Variants in SGCE observed in about 807,000 individuals in gnomAD.
The protein encoded by SGCE is epsilon-sarcoglycan.
In SGCE, 26 loss-of-function variants were observed where a neutral mutation model predicts 57.8. The ratio of observed to expected loss-of-function variants is 0.45; its 90% CI spans 0.33 to 0.62. The LOEUF (loss-of-function observed/expected upper bound fraction) is 0.62. Among genes scored for constraint, SGCE ranks in the 20% least tolerant of loss-of-function variants. SGCE has a pLI of 0.02. For synonymous variants in SGCE, 183 were observed against 189.5 expected, an observed-to-expected ratio of 0.97 and a Z score of 0.28; for missense variants, 468 against 548.6, an observed-to-expected ratio of 0.85 and a Z score of 1.47.
chr7:94,650,568 C>T (rs948177361), intron 1 of SGCE, among the ~76,000 whole-genome samples: 2 of 151,956 alleles, frequency 1.3e-5, no homozygotes, highest in Admixed American at 1.3e-4. Context: ...AATGAACTTG[C>T]AACACATAGG....
rs566445030 is a variant in SGCE, at chr7:94,598,451, A to G, written c.1253+324T>C. The G allele has an allele frequency of 1.0e-4, 28 of 278,436 alleles. No homozygotes were observed. The South Asian group carries it at 1.2e-3, about 12-fold the overall frequency. 17.2% of individuals were successfully genotyped at this position (278,436 alleles called of 1,614,324 possible). A position where few individuals can be genotyped will look rare whatever the true frequency, so the allele number is the denominator to read the frequency against. Reference sequence around the variant, plus strand: ...TATCTCTAAAAATAATCAATTTGAAATGCTTAGGATATGGTTCTTTTTTTT... The same window carrying G: ...TATCTCTAAAAATAATCAATTTGAAGTGCTTAGGATATGGTTCTTTTTTTT... On this transcript the variant is annotated intron_variant, in intron 9 of 10. Transcript: ENST00000648936.
At chr7:94,648,467 T>C (rs535462978) in intron 1 of SGCE, among the ~76,000 whole-genome samples, 8 of 151,014 alleles carry the variant, frequency 5.3e-5, no homozygotes, top group African/African-American at 1.9e-4. Flanking sequence ...AACACTATAA[T>C]AAAAATCCTT....
chr7:94,588,131 A>G (rs1797154676), intron 10 of SGCE: 20 of 1,149,700 alleles, frequency 1.7e-5, no homozygotes, highest in Non-Finnish European at 2.1e-5. Context: ...TTTTAGGGAC[A>G]CTTGAAAGAA....
rs768766085 is a variant in SGCE, at chr7:94,628,358, G to A, written c.234C>T (p.Gly78=). ...KGEFPPYPKP[G]EISNDPITFN... ...ATGTTATGGGATCATTACTAATCTC[G>A]CCTAGATAAGAAACAGAGAATTAAG... The change falls in exon 3 of 11, where the codon GGC becomes GGT. Residue 78 remains glycine (G), a splice_region_variant and synonymous_variant. Transcript: ENST00000648936. 55 of 1,604,808 alleles carry A rather than the reference G, an allele frequency of 3.4e-5. No individual in the cohort carries two copies. The highest frequency in any genetic ancestry group is 9.9e-5 in the South Asian group (9 of 90,792).
At chr7:94,636,027 T>G (rs139934857) in intron 1 of SGCE, among the ~76,000 whole-genome samples, 1 of 152,312 alleles carries the variant, frequency 6.6e-6, no homozygotes, top group East Asian at 1.9e-4. Context: ...CTAGGAGATA[T>G]GGCCACTTTT....
At chr7:94,646,189 C>T (rs908713862) in intron 1 of SGCE, among the ~76,000 whole-genome samples, 4 of 152,080 alleles carry the variant, frequency 2.6e-5, no homozygotes, top group African/African-American at 4.8e-5. Flanking sequence ...TGAATTACAT[C>T]GATATTTATA....
intron 10 of SGCE, chr7:94,587,550 G>A (rs1476140629): frequency 9.1e-6 from 12 of 1,318,394 alleles, no homozygotes; most frequent in African/African-American, 4.6e-5. Context: ...AGTGGTAGTA[G>A]GGATTCATTT....
At chr7:94,632,124 T>C (rs1804810611) in intron 1 of SGCE, among the ~76,000 whole-genome samples, 1 of 152,038 alleles carries the variant, frequency 6.6e-6, no homozygotes, top group Non-Finnish European at 1.5e-5. Context: ...TTATCATCCT[T>C]CATTGACATT....
At chr7:94,606,256 C>T (rs1473301364) in intron 5 of SGCE, among the ~76,000 whole-genome samples, 1 of 152,128 alleles carries the variant, frequency 6.6e-6, no homozygotes, top group Non-Finnish European at 1.5e-5. Context: ...TAGGAAGACA[C>T]ATATACATTA....
intron 9 of SGCE, among the ~76,000 whole-genome samples, chr7:94,596,508 T>C (rs1798420529): frequency 6.6e-6 from 1 of 152,154 alleles, no homozygotes; most frequent in African/African-American, 2.4e-5. Flanking sequence ...AACTGTGTTC[T>C]TTGAAGAGTT....
rs778890137 is a variant in SGCE, at chr7:94,629,782, G to A, written c.169C>T (p.Leu57Phe). The change falls in exon 2 of 11, where the codon CTC (leucine) becomes TTC (phenylalanine). Residue 57 changes from leucine (L) to phenylalanine (F), a missense_variant. Physicochemically the swap from Leu to Phe is conservative, Grantham distance 22. Transcript: ENST00000648936. ...TCTCTTTCCAAAACATGAACAAAGA[G>A]GACACCTGCTGATGGGTATACATTC... ...DRNVYPSAGV[L>F]FVHVLEREYF... 1.2e-6 allele frequency: 2 copies of A among 1,611,010 alleles called. No homozygotes were observed. The highest frequency in any genetic ancestry group is 2.2e-5 in the South Asian group (2 of 91,012).
At chr7:94,594,056 A>G (rs891299399) in intron 9 of SGCE, among the ~76,000 whole-genome samples, 4 of 151,880 alleles carry the variant, frequency 2.6e-5, no homozygotes, top group African/African-American at 9.7e-5. Context: ...ACAAGGCTAG[A>G]CTCTCTCTTG....
chr7:94,615,411 T>C (rs950053724), intron 5 of SGCE, among the ~76,000 whole-genome samples: 17 of 145,942 alleles, frequency 1.2e-4, no homozygotes, highest in Non-Finnish European at 3.0e-5. Context: ...GATAGATAGA[T>C]AGATAGATAG....
intron 9 of SGCE, chr7:94,589,949 G>C (rs1274612358): frequency 2.0e-5 from 3 of 152,268 alleles, no homozygotes; most frequent in Non-Finnish European, 4.4e-5. Flanking sequence ...AGTTCCTGGT[G>C]CCAAAAAGCT....
chr7:94,593,412 T>C (rs1000714), intron 9 of SGCE, among the ~76,000 whole-genome samples: 17,787 of 151,938 alleles, frequency 0.12, 1,382 homozygotes, highest in South Asian at 0.24. Flanking sequence ...AAAAAATCAA[T>C]TGGTATTGAT....
Position 94,585,938 on chromosome 7 carries a change from C to T in SGCE, c.1298-423G>A, listed in dbSNP as rs141090456. ...TTTGGGCCTAGTCCAAAAGTTAGTGCAATTGTCAGCTTTTAACTGCTCTAT... is the reference window on the plus strand; with the variant it reads ...TTTGGGCCTAGTCCAAAAGTTAGTGTAATTGTCAGCTTTTAACTGCTCTAT... On this transcript the variant is annotated intron_variant, in intron 10 of 10. Transcript: ENST00000648936. Among the ~76,000 whole-genome samples the T allele has an allele frequency of 2.6e-5, 4 of 151,916 alleles. No homozygotes were observed. The East Asian group carries it at 7.8e-4, about 29-fold the overall frequency.
At chr7:94,600,553 T>C in intron 7 of SGCE, 93 bp downstream of exon 7, 3 of 891,930 alleles carry the variant, frequency 3.4e-6, no homozygotes. Flanking sequence ...CAAAGTGTTT[T>C]ATGAACCAAA....
chr7:94,625,194 T>A (rs1214170067), intron 3 of SGCE: 1 of 151,956 alleles, frequency 6.6e-6, no homozygotes, highest in Non-Finnish European at 1.5e-5. Flanking sequence ...AAAAATCTAC[T>A]GAATGAATTA....
intron 1 of SGCE, among the ~76,000 whole-genome samples, chr7:94,654,566 CT>C: frequency 6.6e-6 from 1 of 152,324 alleles, no homozygotes; most frequent in East Asian, 1.9e-4. Context: ...GTTTACCCAA[CT>C]TCCTAGGGAA....
Sources: allele counts gnomAD v4.1 joint callset (sites outside exome capture counted in the v4.1 genomes callset), GRCh38; gene constraint gnomAD v4.1.1; transcripts MANE v1.5; gene names NCBI Gene and HGNC (gene_info 2026-07-23, HGNC 2026-07-21).